Variants in MTMR1 observed in about 807,000 individuals in gnomAD.
MTMR1 encodes myotubularin related protein 1, also known as phosphatidylinositol-3-phosphate phosphatase MTMR1.
In MTMR1, 17 loss-of-function variants were observed where a neutral mutation model predicts 51.6. The observed-to-expected ratio is 0.33, with a 90% CI of 0.23 to 0.49. The LOEUF (loss-of-function observed/expected upper bound fraction) is 0.49, where lower values mean the gene tolerates loss of function less well. MTMR1 is among the 20% of genes least tolerant of loss of function. MTMR1 has a pLI of 0.99. For synonymous variants in MTMR1, 201 were observed against 205.6 expected (o/e 0.98, Z 0.19); for missense variants, 386 against 526.9 (o/e 0.73, Z 2.62).
chrX:150,703,618 AAGGCAGAGTAT>A (rs1223364078), intron 2 of MTMR1, among the ~76,000 whole-genome samples: 6 of 112,380 alleles, frequency 5.3e-5, no homozygotes, highest in Admixed American at 9.4e-5. Flanking sequence ...AGGGAAGTCG[AAGGCAGAGTAT>A]AGGAAAGACT....
intron 2 of MTMR1, among the ~76,000 whole-genome samples, chrX:150,707,276 ACT>A (rs1235701249): frequency 5.3e-5 from 6 of 112,199 alleles, no homozygotes; most frequent in African/African-American, 1.9e-4. Context: ...TCTGTGAAAG[ACT>A]CTGAGAAGAT....
intron 4 of MTMR1, among the ~76,000 whole-genome samples, chrX:150,721,409 G>A (rs1298467465): frequency 9.0e-6 from 1 of 111,393 alleles, no homozygotes; most frequent in Admixed American, 9.5e-5. Context: ...CTTGGACTTT[G>A]CGTTTCTTTT....
chrX:150,723,765 T>G (rs1351950913), intron 4 of MTMR1, among the ~76,000 whole-genome samples: 1 of 111,789 alleles, frequency 8.9e-6, no homozygotes, highest in Non-Finnish European at 1.9e-5. Flanking sequence ...ATGTCTGTTG[T>G]TCCCTTCTTT....
chrX:150,712,861 A>G lies in MTMR1; in HGVS notation c.276+496A>G, dbSNP rs782559992. ...CTTGAAGCTAAATTTAGCAAAATCAATCCCAGTTACTATTTTTTAAAATAC... is the reference window on the plus strand; with the variant it reads ...CTTGAAGCTAAATTTAGCAAAATCAGTCCCAGTTACTATTTTTTAAAATAC... On this transcript the variant is annotated intron_variant, in intron 3 of 15. Transcript: ENST00000445323. 5.9e-6 allele frequency: 4 copies of G among 676,251 alleles called. No homozygotes were observed. The South Asian group carries it at 1.3e-4, about 21-fold the overall frequency. The allele number at this position is 676,251 out of a possible 1,213,427, so 55.7% of individuals were successfully genotyped here.
chrX:150,754,881 C>T (rs1280651776), intron 14 of MTMR1, among the ~76,000 whole-genome samples: 3 of 110,402 alleles, frequency 2.7e-5, no homozygotes, highest in East Asian at 2.9e-4. Flanking sequence ...AAAAATTAGC[C>T]GGGCATGGTG....
chrX:150,746,057 G>T (rs782113120), intron 13 of MTMR1, among the ~76,000 whole-genome samples: 1 of 112,503 alleles, frequency 8.9e-6, no homozygotes, highest in African/African-American at 3.2e-5. Flanking sequence ...AGCCTGAGAT[G>T]CCACATTTCT....
At chrX:150,735,207 C>T (rs1342767225) in intron 10 of MTMR1, among the ~76,000 whole-genome samples, 4 of 111,898 alleles carry the variant, frequency 3.6e-5, no homozygotes, top group South Asian at 3.8e-4. Context: ...ACCCTGATCT[C>T]GGACTTTCAG....
chrX:150,734,353 T>C (rs1194768796), intron 10 of MTMR1, among the ~76,000 whole-genome samples: 1 of 112,999 alleles, frequency 8.8e-6, no homozygotes, highest in African/African-American at 3.2e-5. Flanking sequence ...AGACCTTCTC[T>C]TCAAATAAGG....
At position 150,707,966 on chromosome X, in the gene MTMR1, G is replaced by A. The variant is rs782282408; in HGVS notation, c.253-4376G>A. Among the ~76,000 whole-genome samples, 3 of 112,132 alleles carry A rather than the reference G, an allele frequency of 2.7e-5. No homozygotes were observed. In the East Asian group the frequency reaches 8.3e-4, roughly 31 times the overall value. On this transcript the variant is annotated intron_variant, in intron 2 of 15. Coordinates refer to ENST00000445323, the MANE Select transcript of MTMR1 (RefSeq NM_001306144.3). ...GAATTACGTGAGTAAAAAAATGGCA[G>A]TACCAAAAGGTTACATACTGTATGA...
At chrX:150,759,533 T>C (rs1290747598) in intron 15 of MTMR1, among the ~76,000 whole-genome samples, 3 of 100,531 alleles carry the variant, frequency 3.0e-5, no homozygotes, top group Admixed American at 1.0e-4. Flanking sequence ...CGCTCCCCCT[T>C]GTGCAGCAGG....
rs782524845 is a variant in MTMR1 at position 150,727,703 on chromosome X, A to G, written c.467A>G (p.Asp156Gly). 4 of 1,210,250 alleles carry G rather than the reference A, an allele frequency of 3.3e-6. No individual in the cohort carries two copies. The Admixed American group carries it at 8.7e-5, about 26-fold the overall frequency. The change falls in exon 6 of 16, where the codon GAT becomes GGT. Residue 156 changes from aspartate to glycine, a missense_variant. By Grantham distance (94) the Asp-to-Gly change is moderately conservative. Coordinates refer to ENST00000445323, the MANE Select transcript of MTMR1 (RefSeq NM_001306144.3). ...NVERDPHFIL[D>G]VPLGVISRVE... ...ACCTAGGACCCGCATTTTATCCTTG[A>G]TGTTCCCCTTGGAGTGATCAGCAGA...
chrX:150,730,463 A>C, intron 7 of MTMR1, 62 bp from the exon 8 acceptor site: 1 of 762,495 alleles, frequency 1.3e-6, no homozygotes, highest in Non-Finnish European at 1.9e-6. Flanking sequence ...AAAAGCTTTA[A>C]TATTGGGTAT....
chrX:150,727,358 A>T (rs1557416812), intron 5 of MTMR1, 49 bp downstream of exon 5: 2 of 1,053,396 alleles, frequency 1.9e-6, no homozygotes, highest in Non-Finnish European at 2.6e-6. Flanking sequence ...CTTTTAAAAG[A>T]ACACTAAAAG....
chrX:150,719,804 A>G (rs781794129), intron 4 of MTMR1, among the ~76,000 whole-genome samples: 1 of 112,212 alleles, frequency 8.9e-6, no homozygotes, highest in African/African-American at 3.2e-5. Flanking sequence ...CATATTTTGA[A>G]TGAGCAGGGA....
chrX:150,718,600 TTTTTTTTTTTTTTTTTTTTG>T lies in MTMR1; in HGVS notation c.277-24_277-5del. 1.1e-6 allele frequency: 1 copy of T among 914,627 alleles called. No homozygotes were observed. 75.4% of individuals were successfully genotyped at this position (914,627 alleles called of 1,213,427 possible). On this transcript the variant is annotated splice_region_variant and splice_polypyrimidine_tract_variant and intron_variant, in intron 3 of 15. Transcript: ENST00000445323. ...TTTGGTGTCCTTTTTTTTTTTTTTTTTTTTTTTTTTTTTTTTTTTGCCAGGCTCTAAGGGATGGAAATAAG... is the reference window on the plus strand; with the variant it reads ...TTTGGTGTCCTTTTTTTTTTTTTTTTCCAGGCTCTAAGGGATGGAAATAAG...
rs782078906 is a variant in MTMR1 at position 150,762,669 on chromosome X, C to A, written c.1962C>A (p.Ser654=). The A allele has an allele frequency of 8.3e-7, 1 of 1,204,116 alleles. No homozygotes were observed. Among genetic ancestry groups the A allele is most frequent in the Non-Finnish European group, 1.1e-6 (1 of 891,052 alleles). ...QREVATRAVS[S]SSERGSSPSH... ...AGGTGGCCACGCGCGCCGTCTCATC[C>A]TCATCTGAGCGGGGCTCCTCGCCCT... Residue 654 remains serine, a synonymous_variant, in exon 16 of 16, where the codon TCC becomes TCA. Coordinates refer to ENST00000445323, the MANE Select transcript of MTMR1 (RefSeq NM_001306144.3).
intron 2 of MTMR1, among the ~76,000 whole-genome samples, chrX:150,700,360 C>T (rs898257789): frequency 5.3e-5 from 6 of 112,342 alleles, no homozygotes; most frequent in Non-Finnish European, 1.1e-4. Context: ...TGAGATTTGG[C>T]TATGGTGCTG....
At chrX:150,750,947 G>A (rs2042711021) in intron 14 of MTMR1, 104 bp downstream of exon 14, 6 of 1,030,027 alleles carry the variant, frequency 5.8e-6, no homozygotes, top group Non-Finnish European at 8.0e-6. Flanking sequence ...CTGCGCTCTG[G>A]TGCTATTGCT....
intron 14 of MTMR1, among the ~76,000 whole-genome samples, chrX:150,751,839 C>T (rs2042741077): frequency 9.1e-6 from 1 of 110,134 alleles, no homozygotes; most frequent in Non-Finnish European, 1.9e-5. Context: ...CCCTCACCCT[C>T]ACCCTAGCTA....
Sources: allele counts gnomAD v4.1 joint callset (sites outside exome capture counted in the v4.1 genomes callset), GRCh38; gene constraint gnomAD v4.1.1; transcripts MANE v1.5; gene names NCBI Gene and HGNC (gene_info 2026-07-23, HGNC 2026-07-21).